Variants in POU6F2 observed in about 807,000 individuals in gnomAD.
POU6F2 encodes POU class 6 homeobox 2.
A neutral mutation model predicts 71.3 loss-of-function variants in POU6F2; 31 were observed. That is an observed-to-expected ratio of 0.43 (90% confidence interval 0.33 to 0.59). POU6F2 has a LOEUF of 0.59. Ranked by LOEUF, POU6F2 falls within the 20% of genes least tolerant of loss-of-function variation. POU6F2 has a pLI of 0.04. For missense variants in POU6F2, 783 were observed against 856.8 expected, an observed-to-expected ratio of 0.91 and a Z score of 1.07; for synonymous variants, 347 against 355.7, an observed-to-expected ratio of 0.98 and a Z score of 0.27.
chr7:39,159,343 TC>T (rs1346045964), intron 2 of POU6F2, among the ~76,000 whole-genome samples: 3 of 152,148 alleles, frequency 2.0e-5, no homozygotes, highest in East Asian at 1.9e-4. Context: ...CTCTGTTTCT[TC>T]CCCAATCCAT....
At chr7:39,149,602 C>T (rs1367185202) in intron 2 of POU6F2, among the ~76,000 whole-genome samples, 1 of 152,166 alleles carries the variant, frequency 6.6e-6, no homozygotes, top group Non-Finnish European at 1.5e-5. Context: ...TCACGTTGTA[C>T]ATCAGGTCTC....
At chr7:38,983,967 TGAAA>T (rs1788395992) in intron 1 of POU6F2, among the ~76,000 whole-genome samples, 1 of 152,158 alleles carries the variant, frequency 6.6e-6, no homozygotes, top group Non-Finnish European at 1.5e-5. Flanking sequence ...CCCCATGGTA[TGAAA>T]GATTCTTTCT....
intron 2 of POU6F2, among the ~76,000 whole-genome samples, chr7:39,093,495 C>A (rs925087879): frequency 5.3e-5 from 8 of 152,014 alleles, no homozygotes; most frequent in Non-Finnish European, 4.4e-5. Context: ...CAACATGAAA[C>A]AGTTTCACAA....
At chr7:39,046,916 T>C (rs1790302460) in intron 1 of POU6F2, among the ~76,000 whole-genome samples, 1 of 151,950 alleles carries the variant, frequency 6.6e-6, no homozygotes, top group African/African-American at 2.4e-5. Context: ...TTTTCTTTCA[T>C]ATGAATATCC....
At position 39,464,147 on chromosome 7, in the gene POU6F2, G is replaced by C. The variant is rs1789013009; in HGVS notation, c.1659-35G>C. ...GAGGCCCACCCTGGCAGAGGACTCA[G>C]TGTAAGACTGTTCTTTCTCAATTTT... On this transcript the variant is annotated intron_variant, in intron 9 of 9. Transcript: ENST00000518318. The surrounding 1 kb of genome is among the most constrained non-coding windows in gnomAD (Gnocchi z 4.1). 4.4e-6 allele frequency: 7 copies of C among 1,602,206 alleles called. No individual in the cohort carries two copies. The highest frequency in any genetic ancestry group is 6.0e-6 in the Non-Finnish European group (7 of 1,173,874).
At chr7:39,456,988 A>G (rs1788821105) in intron 8 of POU6F2, among the ~76,000 whole-genome samples, 1 of 152,206 alleles carries the variant, frequency 6.6e-6, no homozygotes. Flanking sequence ...TGAAAGTTTG[A>G]TAATCCACAC....
At chr7:39,117,107 T>G (rs751416538) in intron 2 of POU6F2, among the ~76,000 whole-genome samples, 9 of 152,194 alleles carry the variant, frequency 5.9e-5, no homozygotes, top group Non-Finnish European at 8.8e-5. Flanking sequence ...ATAGGTATGT[T>G]TCAAATGAAT....
chr7:39,433,220 C>T lies in POU6F2; in HGVS notation c.1257C>T (p.Asn419=), dbSNP rs764674219. 6.2e-7 allele frequency: 1 copy of T among 1,613,522 alleles called. No homozygotes were observed. Among genetic ancestry groups the T allele is most frequent in the East Asian group, 2.2e-5 (1 of 44,808 alleles). Residue 419 remains asparagine, a synonymous_variant, in exon 7 of 10, where the codon AAC becomes AAT. Coordinates refer to ENST00000518318, the MANE Select transcript of POU6F2 (RefSeq NM_001370959.1). Reference sequence around the variant, plus strand: ...AGATCATCGCCACAGTCATTGGGAACCAGATCCTGCCCGTGATCAACACCC... The same window carrying T: ...AGATCATCGCCACAGTCATTGGGAATCAGATCCTGCCCGTGATCAACACCC... ...QGQIIATVIG[N]QILPVINTQG...
chr7:39,437,221 G>C (rs547261143), intron 7 of POU6F2, among the ~76,000 whole-genome samples: 3 of 152,170 alleles, frequency 2.0e-5, no homozygotes, highest in Non-Finnish European at 4.4e-5. Flanking sequence ...TGTATTTCTG[G>C]TAGAATTCAG....
chr7:39,006,771 G>A (rs1268186956), intron 1 of POU6F2: 4 of 1,388,498 alleles, frequency 2.9e-6, no homozygotes, highest in Non-Finnish European at 4.1e-6. Flanking sequence ...GAACTCTCTT[G>A]GGTTGTGTTA....
intron 4 of POU6F2, among the ~76,000 whole-genome samples, chr7:39,271,765 T>C (rs569417950): frequency 2.6e-5 from 4 of 152,268 alleles, no homozygotes; most frequent in African/African-American, 9.6e-5. Flanking sequence ...TAATTTGCTG[T>C]AATATGAGGA....
At chr7:39,348,808 A>G (rs951282854) in intron 5 of POU6F2, among the ~76,000 whole-genome samples, 5 of 152,252 alleles carry the variant, frequency 3.3e-5, no homozygotes, top group Non-Finnish European at 5.9e-5. Flanking sequence ...AGATGGGTAG[A>G]TAGAAGTGCT....
At chr7:39,160,039 A>G (rs1261227825) in intron 2 of POU6F2, among the ~76,000 whole-genome samples, 4 of 152,134 alleles carry the variant, frequency 2.6e-5, no homozygotes, top group African/African-American at 7.2e-5. Context: ...TGGTGTGGAC[A>G]GAAGTGGAAT....
chr7:39,213,161 C>T (rs190508800), intron 4 of POU6F2, among the ~76,000 whole-genome samples: 1 of 152,176 alleles, frequency 6.6e-6, no homozygotes, highest in African/African-American at 2.4e-5. Context: ...AAATTAATGA[C>T]CAAAAATACA....
At chr7:39,205,990 A>G (rs1272880270) in intron 3 of POU6F2, among the ~76,000 whole-genome samples, 1 of 152,180 alleles carries the variant, frequency 6.6e-6, no homozygotes, top group South Asian at 2.1e-4. Flanking sequence ...CTGGGCTTGA[A>G]CTTGAACCCC....
intron 1 of POU6F2, among the ~76,000 whole-genome samples, chr7:39,007,365 C>T (rs1219607672): frequency 1.3e-5 from 2 of 152,014 alleles, no homozygotes; most frequent in African/African-American, 4.8e-5. Context: ...GTCAGTAATA[C>T]CCACAGTTTC....
At chr7:39,463,952 C>T (rs1789007465) in intron 9 of POU6F2, among the ~76,000 whole-genome samples, 1 of 152,182 alleles carries the variant, frequency 6.6e-6, no homozygotes, top group Non-Finnish European at 1.5e-5. Context: ...CTCATGCATC[C>T]TGCTGTCTCT....
intron 2 of POU6F2, among the ~76,000 whole-genome samples, chr7:39,136,329 A>G (rs1792388020): frequency 6.6e-6 from 1 of 152,226 alleles, no homozygotes; most frequent in Non-Finnish European, 1.5e-5. Flanking sequence ...CCAGATACCA[A>G]AATGTATTGT....
chr7:39,344,678 G>A (rs1482877077), intron 5 of POU6F2, among the ~76,000 whole-genome samples: 1 of 151,948 alleles, frequency 6.6e-6, no homozygotes, highest in African/African-American at 2.4e-5. Context: ...GTCTTAATCG[G>A]TTTACCACAA....
Sources: allele counts gnomAD v4.1 joint callset (sites outside exome capture counted in the v4.1 genomes callset), GRCh38; gene constraint gnomAD v4.1.1; non-coding constraint Gnocchi (gnomAD v3.1); transcripts MANE v1.5; gene names NCBI Gene and HGNC (gene_info 2026-07-23, HGNC 2026-07-21).